PLOD3: variants seen among roughly 807,000 people sequenced by gnomAD.
The protein encoded by PLOD3 is procollagen-lysine,2-oxoglutarate 5-dioxygenase 3.
PLOD3 carries 73 observed loss-of-function variants against 96.9 expected under a neutral mutation model. The observed-to-expected ratio is 0.75, with a 90% CI of 0.62 to 0.92. The LOEUF (loss-of-function observed/expected upper bound fraction) is 0.92, where lower values mean the gene tolerates loss of function less well. Among genes scored for constraint, PLOD3 ranks in the 40% least tolerant of loss-of-function variants. The pLI, the probability that PLOD3 is intolerant of heterozygous loss-of-function variation, is 0.00. For missense variants in PLOD3, 1,004 were observed against 1,004.3 expected (o/e 1.00, Z 0.00); for synonymous variants, 454 against 413.7 (o/e 1.10, Z -1.18).
intron 18 of PLOD3, 112 bp from the exon 19 acceptor site, chr7:101,206,548 G>T: frequency 9.2e-7 from 1 of 1,089,884 alleles, no homozygotes; most frequent in Non-Finnish European, 1.4e-6. Context: ...GCAGACCGGG[G>T]TGACAAGGGA....
In PLOD3 at chr7:101,217,146, G is replaced by T; in HGVS notation, c.109+20C>A. On this transcript the variant is annotated intron_variant, in intron 1 of 18. Transcript: ENST00000223127. ...CAGCCTCTGCCCCCTCGGCCGTGCC[G>T]GGCCTCCCCGGGATCTCACCTGGGT... is the stretch of plus-strand genomic sequence containing the variant. 6.9e-7 allele frequency: 1 copy of T among 1,452,462 alleles called. No individual in the cohort carries two copies. Among genetic ancestry groups the T allele is most frequent in the South Asian group, 1.4e-5 (1 of 71,064 alleles). 90.0% of individuals were successfully genotyped at this position (1,452,462 alleles called of 1,614,324 possible).
At position 101,211,995 on chromosome 7, in the gene PLOD3, G is replaced by A. The variant is rs776094576; in HGVS notation, c.1128-45C>T. On this transcript the variant is annotated intron_variant, in intron 10 of 18. Coordinates refer to ENST00000223127, the MANE Select transcript of PLOD3 (RefSeq NM_001084.5). ...TGAGACGGCGGCAGGTGGGGAGGCG[G>A]TGTGGATGGGGTAACTGGCCCATGC... 6 of 1,338,148 alleles carry A rather than the reference G, an allele frequency of 4.5e-6. No homozygotes were observed. In the African/African-American group the frequency reaches 7.2e-5, roughly 16 times the overall value. 82.9% of individuals were successfully genotyped at this position (1,338,148 alleles called of 1,614,324 possible). A position where few individuals can be genotyped will look rare whatever the true frequency, so the allele number is the denominator to read the frequency against.
At chr7:101,213,287 A>G (rs979370150) in intron 6 of PLOD3, 83 bp from the exon 7 acceptor site, 3 of 903,640 alleles carry the variant, frequency 3.3e-6, no homozygotes, top group Admixed American at 1.9e-5. Context: ...TGGGGTCCCA[A>G]ATTCTCCAGG....
Position 101,217,576 on chromosome 7 carries a change from A to C in PLOD3, c.-302T>G. 2.2e-6 allele frequency: 1 copy of C among 454,550 alleles called. No individual in the cohort carries two copies. 28.2% of individuals were successfully genotyped at this position (454,550 alleles called of 1,614,324 possible). On this transcript the variant is annotated 5_prime_UTR_variant, in exon 1 of 19. Transcript: ENST00000223127. ...CTCTGGGCTGAGCCAGCCGCTTGAC[A>C]CATGTGGAAGCTGAAACCTGGACAG... is the stretch of plus-strand genomic sequence containing the variant.
rs1289866485 is a variant in PLOD3 at position 101,212,459 on chromosome 7, TG to T, written c.1005+70del. 1.7e-5 allele frequency: 23 copies of T among 1,353,028 alleles called. No individual in the cohort carries two copies. In the East Asian group the frequency reaches 5.3e-4, roughly 31 times the overall value. The allele number at this position is 1,353,028 out of a possible 1,614,324, so 83.8% of individuals were successfully genotyped here. ...TGGGGGTGCAGGAAGGAGATGGGGGTGGGGGCACGAGAGTTCTGATCAGGGC... is the reference window on the plus strand; with the variant it reads ...TGGGGGTGCAGGAAGGAGATGGGGGTGGGGCACGAGAGTTCTGATCAGGGC... On this transcript the variant is annotated intron_variant, in intron 9 of 18. Coordinates refer to ENST00000223127, the MANE Select transcript of PLOD3 (RefSeq NM_001084.5).
intron 17 of PLOD3, 97 bp downstream of exon 17, chr7:101,207,481 C>T (rs1798107159): frequency 1.5e-6 from 2 of 1,320,088 alleles, no homozygotes; most frequent in Non-Finnish European, 2.1e-6. Flanking sequence ...GCATGGAGCC[C>T]AAATGCTGCC....
chr7:101,215,003 C>T lies in PLOD3; in HGVS notation c.679+86G>A, dbSNP rs1048708565. 2.6e-5 allele frequency: 26 copies of T among 1,013,456 alleles called. No individual in the cohort carries two copies. The Admixed American group carries it at 3.9e-4, about 15-fold the overall frequency. 62.8% of individuals were successfully genotyped at this position (1,013,456 alleles called of 1,614,324 possible). A position where few individuals can be genotyped will look rare whatever the true frequency, so the allele number is the denominator to read the frequency against. On this transcript the variant is annotated intron_variant, in intron 6 of 18. Coordinates refer to ENST00000223127, the MANE Select transcript of PLOD3 (RefSeq NM_001084.5). ...CACATAGAGGTGGGCTTGGATCAGCCCAGCTCCTCCAGAAGCCTCTCCCAG... is the reference window on the plus strand; with the variant it reads ...CACATAGAGGTGGGCTTGGATCAGCTCAGCTCCTCCAGAAGCCTCTCCCAG...
chr7:101,214,544 A>G lies in PLOD3; in HGVS notation c.679+545T>C, dbSNP rs146058125. Among the ~76,000 whole-genome samples, 25 of 152,258 alleles carry G rather than the reference A, an allele frequency of 1.6e-4. 1 individual carries two copies. In the East Asian group the frequency reaches 4.8e-3, roughly 29 times the overall value. On this transcript the variant is annotated intron_variant, in intron 6 of 18. Transcript: ENST00000223127. ...AGGGACCTTCCCTTTGTTAAATGGA[A>G]TCACAGAAGTAGACCGGGCACAGTG...
At chr7:101,211,223 A>G in intron 12 of PLOD3, 1 of 230,918 alleles carries the variant, frequency 4.3e-6, no homozygotes, top group Non-Finnish European at 8.5e-6. Flanking sequence ...CTCTGTTTCC[A>G]GGCTGGAGTG....
chr7:101,215,742 T>A (rs1446304011), intron 5 of PLOD3, among the ~76,000 whole-genome samples, 166 bp downstream of exon 5: 1 of 152,130 alleles, frequency 6.6e-6, no homozygotes, highest in Non-Finnish European at 1.5e-5. Context: ...ACTCAAGCAA[T>A]CCTCCTGCCT....
rs368176524 is a variant in PLOD3, at chr7:101,216,488, C to T, written c.260G>A (p.Gly87Glu). The part of the protein sequence containing the change: ...GGDVARTVGG[G>E]QKVRWLKKEM... Reference sequence around the variant, plus strand: ...CTTCTTTAACCACCGGACCTTCTGTCCTCCACCAACTGTTCGAGCCACATC... The same window carrying T: ...CTTCTTTAACCACCGGACCTTCTGTTCTCCACCAACTGTTCGAGCCACATC... Residue 87 changes from glycine (G) to glutamate (E), a missense_variant, in exon 3 of 19, where the codon GGA becomes GAA. Gly to Glu is a moderately conservative substitution (Grantham distance 98). Transcript: ENST00000223127. 3.1e-6 allele frequency: 5 copies of T among 1,614,016 alleles called. No homozygotes were observed. Among genetic ancestry groups the T allele is most frequent in the Non-Finnish European group, 4.2e-6 (5 of 1,180,008 alleles).
intron 1 of PLOD3, 52 bp downstream of exon 1, chr7:101,217,114 G>A (rs1798290380): frequency 1.4e-6 from 2 of 1,433,520 alleles, no homozygotes; most frequent in Non-Finnish European, 1.8e-6. Context: ...CAGGCTGGCA[G>A]GCACGCCAGC....
rs139614581 is a variant in PLOD3 at position 101,208,621 on chromosome 7, C to T, written c.1788+232G>A. The T allele has an allele frequency of 5.2e-5, 27 of 514,724 alleles. No homozygotes were observed. The East Asian group carries it at 9.5e-4, about 18-fold the overall frequency. The allele number at this position is 514,724 out of a possible 1,614,324, so 31.9% of individuals were successfully genotyped here. On this transcript the variant is annotated intron_variant, in intron 16 of 18. Transcript: ENST00000223127. ...AGGCTGGCCTCAAACTCCCCCTGCT[C>T]GAGCAATCCTCCCGCCTCAGCCTCC...
At chr7:101,207,443 AGC>A in intron 17 of PLOD3, 133 bp downstream of exon 17, 1 of 921,340 alleles carries the variant, frequency 1.1e-6, no homozygotes, top group Non-Finnish European at 1.7e-6. Flanking sequence ...TGCCTCCTGC[AGC>A]GTCTCATTCC....
chr7:101,210,031 G>A (rs1293204268), intron 15 of PLOD3, 62 bp downstream of exon 15: 3 of 934,426 alleles, frequency 3.2e-6, no homozygotes, highest in East Asian at 2.6e-5. Flanking sequence ...ATCCAGGCGG[G>A]GGCCCCCAAG....
At position 101,217,187 on chromosome 7, in the gene PLOD3, C is replaced by A. The variant is rs1044576633; in HGVS notation, c.88G>T (p.Gly30Cys). ...TCACCTGGGTTGACCGGGTCTCGGCCCCGGGGCCGGTCGGAGGCTGAGGCC... is the reference window on the plus strand; with the variant it reads ...TCACCTGGGTTGACCGGGTCTCGGCACCGGGGCCGGTCGGAGGCTGAGGCC... ...PAASASDRPR[G>C]RDPVNPEKLL... Residue 30 changes from glycine to cysteine, a missense_variant, in exon 1 of 19, where the codon GGC becomes TGC. Physicochemically the swap from Gly to Cys is radical, Grantham distance 159. This residue lies in a region of PLOD3 where 690 missense variants were observed against 650.2 expected (regional missense o/e 1.06). Transcript: ENST00000223127. The A allele has an allele frequency of 4.0e-6, 6 of 1,493,228 alleles. No individual in the cohort carries two copies. Among genetic ancestry groups the A allele is most frequent in the Middle Eastern group, 2.0e-4 (1 of 5,098 alleles). The allele number at this position is 1,493,228 out of a possible 1,614,324, so 92.5% of individuals were successfully genotyped here. A position where few individuals can be genotyped will look rare whatever the true frequency, so the allele number is the denominator to read the frequency against.
At chr7:101,209,562 T>G (rs1243636921) in intron 15 of PLOD3, among the ~76,000 whole-genome samples, 1 of 150,558 alleles carries the variant, frequency 6.6e-6, no homozygotes, top group Non-Finnish European at 1.5e-5. Flanking sequence ...GTTTTTTTTT[T>G]TTTTTTTTTT....
intron 18 of PLOD3, 118 bp from the exon 19 acceptor site, chr7:101,206,554 A>G: frequency 9.4e-7 from 1 of 1,065,658 alleles, no homozygotes; most frequent in Non-Finnish European, 1.4e-6. Context: ...CGGGGTGACA[A>G]GGGAGATGGC....
Position 101,210,176 on chromosome 7 carries a change from G to T in PLOD3, c.1615-15C>A. 1 of 1,596,502 alleles carries T rather than the reference G, an allele frequency of 6.3e-7. No individual in the cohort carries two copies. The highest frequency in any genetic ancestry group is 1.1e-5 in the South Asian group (1 of 89,212). On this transcript the variant is annotated splice_polypyrimidine_tract_variant and intron_variant, in intron 14 of 18. Coordinates refer to ENST00000223127, the MANE Select transcript of PLOD3 (RefSeq NM_001084.5). ...TCCTTCCAGTCCTGTGAGAGGGTGGGGGGCACATCAGATCTGTGCCCCCCT... is the reference window on the plus strand; with the variant it reads ...TCCTTCCAGTCCTGTGAGAGGGTGGTGGGCACATCAGATCTGTGCCCCCCT...
Sources: gnomAD v4.1 joint callset for allele counts (sites outside exome capture counted in the v4.1 genomes callset) on GRCh38, gnomAD v4.1.1 for gene constraint, gnomAD v4.1.1 regional missense constraint, MANE v1.5 for transcripts, NCBI Gene and HGNC (gene_info 2026-07-23, HGNC 2026-07-21) for gene names.